Variants in CFAP299 observed in about 807,000 individuals in gnomAD.
CFAP299 encodes the protein cilia and flagella associated protein 299.
A neutral mutation model predicts 27.0 loss-of-function variants in CFAP299; 21 were observed. The ratio of observed to expected loss-of-function variants is 0.78; its 90% CI spans 0.55 to 1.12. The LOEUF is 1.12. Among genes scored for constraint, CFAP299 ranks in the 50% most tolerant of loss-of-function variants. The probability of loss-of-function intolerance (pLI) is 0.00; values close to 1 mark genes in which losing one functional copy is unlikely to be tolerated. For synonymous variants in CFAP299, 104 were observed against 98.1 expected (o/e 1.06, Z -0.36); for missense variants, 310 against 276.6 (o/e 1.12, Z -0.86).
intron 3 of CFAP299, among the ~76,000 whole-genome samples, chr4:80,832,940 C>T (rs1381595524): frequency 6.6e-6 from 1 of 152,040 alleles, no homozygotes; most frequent in Admixed American, 6.6e-5. Context: ...TTTTTTAAGT[C>T]ACCTGCTTCT....
intron 3 of CFAP299, among the ~76,000 whole-genome samples, chr4:80,660,516 C>G (rs1444351059): frequency 1.3e-5 from 2 of 152,132 alleles, no homozygotes; most frequent in African/African-American, 4.8e-5. Context: ...AAGATCTATG[C>G]TGAAGTGTTT....
At chr4:80,433,133 A>G (rs1462744776) in intron 2 of CFAP299, among the ~76,000 whole-genome samples, 1 of 152,082 alleles carries the variant, frequency 6.6e-6, no homozygotes, top group African/African-American at 2.4e-5. Flanking sequence ...TATCCTGTTC[A>G]TCTGTTAGTT....
At chr4:80,464,840 G>A (rs1729628598) in intron 2 of CFAP299, among the ~76,000 whole-genome samples, 3 of 151,688 alleles carry the variant, frequency 2.0e-5, no homozygotes, top group Admixed American at 2.0e-4. Flanking sequence ...AGAAAAACAA[G>A]GATCCTGTGA....
At chr4:80,891,644 T>C (rs1460199098) in intron 4 of CFAP299, among the ~76,000 whole-genome samples, 5 of 104,990 alleles carry the variant, frequency 4.8e-5, no homozygotes, top group Non-Finnish European at 7.7e-5. Flanking sequence ...AGGGATAGCA[T>C]TGGGAGATAT....
At chr4:80,687,486 C>T (rs952696987) in intron 3 of CFAP299, among the ~76,000 whole-genome samples, 1 of 152,112 alleles carries the variant, frequency 6.6e-6, no homozygotes, top group East Asian at 1.9e-4. Flanking sequence ...AGAATTTCAA[C>T]TGAGGTGAGC....
At chr4:80,557,939 G>A (rs996113834) in intron 2 of CFAP299, among the ~76,000 whole-genome samples, 1 of 152,024 alleles carries the variant, frequency 6.6e-6, no homozygotes, top group African/African-American at 2.4e-5. Context: ...AATGACACTT[G>A]CACATATTTT....
chr4:80,936,544 C>A (rs1404707390), intron 4 of CFAP299, among the ~76,000 whole-genome samples: 3 of 151,924 alleles, frequency 2.0e-5, no homozygotes, highest in Non-Finnish European at 4.4e-5. Context: ...GAACAGAAAA[C>A]CAAGTAACAT....
intron 4 of CFAP299, chr4:80,871,176 G>C (rs1733075525): frequency 2.0e-6 from 2 of 979,814 alleles, no homozygotes; most frequent in African/African-American, 1.8e-5. Flanking sequence ...CAAAGTGCTG[G>C]GATTACAGGC....
At chr4:80,864,529 C>CATATAT (rs1340129450) in intron 3 of CFAP299, among the ~76,000 whole-genome samples, 1 of 145,602 alleles carries the variant, frequency 6.9e-6, no homozygotes, top group Non-Finnish European at 1.5e-5. Flanking sequence ...CGTATATATA[C>CATATAT]ATATACGTAT....
At chr4:80,646,360 C>T (rs1297507675) in intron 3 of CFAP299, among the ~76,000 whole-genome samples, 1 of 152,150 alleles carries the variant, frequency 6.6e-6, no homozygotes, top group Non-Finnish European at 1.5e-5. Context: ...ACAGTATCCA[C>T]CAGTGCTGGC....
intron 4 of CFAP299, among the ~76,000 whole-genome samples, chr4:80,932,892 G>A (rs1340551452): frequency 6.6e-6 from 1 of 151,624 alleles, no homozygotes; most frequent in Non-Finnish European, 1.5e-5. Flanking sequence ...TAAAATTATA[G>A]AATCATCTTT....
At chr4:80,382,162 G>A (rs1431571727) in intron 2 of CFAP299, among the ~76,000 whole-genome samples, 1 of 152,122 alleles carries the variant, frequency 6.6e-6, no homozygotes, top group Admixed American at 6.6e-5. Flanking sequence ...ATCACCTCAA[G>A]ATGGATTAAA....
chr4:80,379,827 T>A (rs1724604130), intron 2 of CFAP299, among the ~76,000 whole-genome samples: 1 of 152,114 alleles, frequency 6.6e-6, no homozygotes, highest in African/African-American at 2.4e-5. Context: ...ATATGGTCTA[T>A]CTTAGTTGAT....
At chr4:80,901,837 C>T (rs1465751489) in intron 4 of CFAP299, among the ~76,000 whole-genome samples, 1 of 152,076 alleles carries the variant, frequency 6.6e-6, no homozygotes, top group Non-Finnish European at 1.5e-5. Context: ...TAAATTAAAT[C>T]TCTTAAAGTT....
In CFAP299 at chr4:80,567,731, T is replaced by TTATATATATATATATATATATA. The variant is rs10605376; in HGVS notation, c.243-15342_243-15341insTATATATATATATATATATATA. On this transcript the variant is annotated intron_variant, in intron 2 of 5. Coordinates refer to ENST00000358105, the MANE Select transcript of CFAP299 (RefSeq NM_152770.3). ...ACTTAAAAATGCTATTCTAATGTAT[T>TTATATATATATATATATATATA]TATATATATATATATATATAAGTAC... is the stretch of plus-strand genomic sequence containing the variant. Among the ~76,000 whole-genome samples the TTATATATATATATATATATATA allele has an allele frequency of 2.8e-3, 422 of 148,696 alleles. 3 individuals carry two copies. Among genetic ancestry groups the TTATATATATATATATATATATA allele is most frequent in the African/African-American group, 9.8e-3 (398 of 40,508 alleles).
At position 80,963,551 on chromosome 4, in the gene CFAP299, T is replaced by C; in HGVS notation, c.641T>C (p.Ile214Thr). ...QPGDNSTRIT[I>T]LTELYVQAVI... ...GGTGACAACTCTACTAGAATCACTA[T>C]CCTGACAGAACTCTACGTACAAGCT... Residue 214 changes from isoleucine to threonine, a missense_variant, in exon 6 of 6, where the codon ATC becomes ACC. Transcript: ENST00000358105. 3.7e-6 allele frequency: 6 copies of C among 1,608,884 alleles called. No homozygotes were observed. Among genetic ancestry groups the C allele is most frequent in the Non-Finnish European group, 5.1e-6 (6 of 1,177,138 alleles).
rs1245484934 is a variant in CFAP299, at chr4:80,799,272, TTA to T, written c.334-70711_334-70710del. ...TTGTATAAATATATTTATATAATAT[TTA>T]TATATATATTGTATAAATATATTTA... On this transcript the variant is annotated intron_variant, in intron 3 of 5. Coordinates refer to ENST00000358105, the MANE Select transcript of CFAP299 (RefSeq NM_152770.3). 7.4e-4 allele frequency among the ~76,000 whole-genome samples: 71 copies of T among 96,172 alleles called. 3 individuals carry two copies. The highest frequency in any genetic ancestry group is 4.2e-3 in the East Asian group (16 of 3,782). 63.1% of individuals were successfully genotyped at this position (96,172 alleles called of 152,430 possible).
rs552399076 is a variant in CFAP299 at position 80,859,478 on chromosome 4, G to A, written c.334-10515G>A. On this transcript the variant is annotated intron_variant, in intron 3 of 5. Transcript: ENST00000358105. Reference sequence around the variant, plus strand: ...ATGATGTTAGCTGGTTATTTTGCTCGTTAGTTGATTCAGTTTCTTCCTAGT... The same window carrying A: ...ATGATGTTAGCTGGTTATTTTGCTCATTAGTTGATTCAGTTTCTTCCTAGT... 7.3e-5 allele frequency among the ~76,000 whole-genome samples: 11 copies of A among 151,606 alleles called. No homozygotes were observed. In the East Asian group the frequency reaches 7.8e-4, roughly 11 times the overall value.
At chr4:80,427,936 A>G (rs1344683743) in intron 2 of CFAP299, among the ~76,000 whole-genome samples, 2 of 152,214 alleles carry the variant, frequency 1.3e-5, no homozygotes, top group Non-Finnish European at 2.9e-5. Context: ...GTCATTAAAT[A>G]ACTACCATTT....
Sources: allele counts gnomAD v4.1 joint callset (sites outside exome capture counted in the v4.1 genomes callset), GRCh38; gene constraint gnomAD v4.1.1; transcripts MANE v1.5; gene names NCBI Gene and HGNC (gene_info 2026-07-23, HGNC 2026-07-21).